The following SCARA5 variants were observed in gnomAD, a reference collection of about 807,000 sequenced individuals.
SCARA5 encodes scavenger receptor class A, member 5 (putative).
Under a neutral mutation model 46.3 loss-of-function variants are expected in SCARA5, and 45 were observed. The observed-to-expected ratio is 0.97, with a 90% CI of 0.76 to 1.24. SCARA5 has a LOEUF of 1.24. SCARA5 is among the 50% of genes most tolerant of loss of function. SCARA5 has a pLI of 0.00. For missense variants in SCARA5, 680 were observed against 689.0 expected (o/e 0.99, Z 0.15); for synonymous variants, 333 against 306.5 (o/e 1.09, Z -0.90).
intron 3 of SCARA5, among the ~76,000 whole-genome samples, chr8:27,950,350 C>A (rs1808104842): frequency 6.6e-6 from 1 of 152,166 alleles, no homozygotes; most frequent in Non-Finnish European, 1.5e-5. Flanking sequence ...GACCCCCACC[C>A]CACACACACC....
rs775794331 is a variant in SCARA5 at position 27,921,805 on chromosome 8, G to A, written c.682C>T (p.Arg228Cys). The A allele has an allele frequency of 3.1e-5, 49 of 1,557,356 alleles. No individual in the cohort carries two copies. The highest frequency in any genetic ancestry group is 4.1e-5 in the Non-Finnish European group (47 of 1,156,734). ...EELADVGGVLRGLNHSLSYDV... is the reference protein window; with the variant it reads ...EELADVGGVLCGLNHSLSYDV... ...TAGGACAGGCTGTGGTTGAGGCCGC[G>A]CAGCACGCCGCCCACGTCGGCCAGC... Residue 228 changes from arginine to cysteine, a missense_variant, in exon 4 of 9, where the codon CGC (arginine) becomes TGC (cysteine). Arg to Cys is a radical substitution (Grantham distance 180). Coordinates refer to ENST00000354914, the MANE Select transcript of SCARA5 (RefSeq NM_173833.6).
intron 2 of SCARA5, among the ~76,000 whole-genome samples, chr8:27,982,472 G>A (rs1166210472): frequency 6.6e-6 from 1 of 152,280 alleles, no homozygotes; most frequent in Non-Finnish European, 1.5e-5. Flanking sequence ...ATCAGAGGCC[G>A]CTAGAGGCAG....
At chr8:27,944,586 G>A (rs543578550) in intron 3 of SCARA5, among the ~76,000 whole-genome samples, 2 of 152,168 alleles carry the variant, frequency 1.3e-5, no homozygotes, top group East Asian at 1.9e-4. Flanking sequence ...TTAAGACCAG[G>A]CATGGTGGCT....
At chr8:27,941,196 A>T (rs187276336) in intron 3 of SCARA5, among the ~76,000 whole-genome samples, 1 of 152,342 alleles carries the variant, frequency 6.6e-6, no homozygotes, top group East Asian at 1.9e-4. Context: ...AGATTTTATA[A>T]TTCAGAATAG....
intron 7 of SCARA5, among the ~76,000 whole-genome samples, chr8:27,901,608 A>G (rs752637310): frequency 6.6e-6 from 1 of 152,102 alleles, no homozygotes; most frequent in African/African-American, 2.4e-5. Context: ...CCCTGGAAAC[A>G]TAAGCAGGAG....
intron 7 of SCARA5, among the ~76,000 whole-genome samples, chr8:27,893,690 C>G (rs762018109): frequency 1.1e-4 from 16 of 152,216 alleles, no homozygotes; most frequent in Non-Finnish European, 1.9e-4. Flanking sequence ...GATTTTAAAG[C>G]CAGGATCTGG....
At chr8:27,978,373 C>G (rs1808560587) in intron 2 of SCARA5, among the ~76,000 whole-genome samples, 1 of 152,052 alleles carries the variant, frequency 6.6e-6, no homozygotes, top group Non-Finnish European at 1.5e-5. Context: ...CTGCTAAGAA[C>G]TTTAAAATTT....
At chr8:27,984,909 AT>A (rs1425132043) in intron 2 of SCARA5, among the ~76,000 whole-genome samples, 15 of 152,040 alleles carry the variant, frequency 9.9e-5, no homozygotes, top group African/African-American at 3.6e-4. Flanking sequence ...CCATCCATTT[AT>A]TCATTCATCC....
intron 3 of SCARA5, among the ~76,000 whole-genome samples, chr8:27,945,009 C>G (rs1437406961): frequency 6.6e-6 from 1 of 151,670 alleles, no homozygotes; most frequent in Non-Finnish European, 1.5e-5. Flanking sequence ...ACTAAAAATA[C>G]AAAAAATTAG....
At chr8:27,973,484 TA>T in intron 2 of SCARA5, among the ~76,000 whole-genome samples, 1 of 152,048 alleles carries the variant, frequency 6.6e-6, no homozygotes, top group African/African-American at 2.4e-5. Flanking sequence ...CTCAAATAAA[TA>T]AATTAATTAA....
intron 3 of SCARA5, among the ~76,000 whole-genome samples, chr8:27,932,194 T>C (rs951595424): frequency 2.0e-5 from 3 of 151,986 alleles, no homozygotes; most frequent in Non-Finnish European, 4.4e-5. Context: ...TGCTCAGGCT[T>C]GTCTTGAACT....
intron 2 of SCARA5, among the ~76,000 whole-genome samples, chr8:27,984,568 CCATT>C (rs1808673406): frequency 6.6e-6 from 1 of 151,772 alleles, no homozygotes; most frequent in East Asian, 2.0e-4. Flanking sequence ...ATTCACCCAT[CCATT>C]CATTCACCCA....
In SCARA5 at chr8:27,931,943, C is replaced by T. The variant is rs150518088; in HGVS notation, c.242-9698G>A. ...TGCTGGGATTACAGGTGTGAGCCAC[C>T]GCACCCGGCCAAAGAACCGTGCATT... On this transcript the variant is annotated intron_variant, in intron 3 of 8. Coordinates refer to ENST00000354914, the MANE Select transcript of SCARA5 (RefSeq NM_173833.6). 1.9e-4 allele frequency among the ~76,000 whole-genome samples: 29 copies of T among 151,592 alleles called. No individual in the cohort carries two copies. In the East Asian group the frequency reaches 3.7e-3, roughly 19 times the overall value.
chr8:27,979,087 A>G (rs1808572613), intron 2 of SCARA5, among the ~76,000 whole-genome samples: 1 of 152,140 alleles, frequency 6.6e-6, no homozygotes, highest in Admixed American at 6.5e-5. Context: ...CCACGCCCCT[A>G]TGCCAATGGG....
chr8:27,927,634 A>T lies in SCARA5; in HGVS notation c.242-5389T>A, dbSNP rs1400941492. Among the ~76,000 whole-genome samples the T allele has an allele frequency of 6.6e-5, 10 of 152,122 alleles. No individual in the cohort carries two copies. In the East Asian group the frequency reaches 1.7e-3, roughly 26 times the overall value. Reference sequence around the variant, plus strand: ...TAATTTACCCATTCTCTTACTGTTGAATCCTTTTTTTCAATCATGGTAAAT... The same window carrying T: ...TAATTTACCCATTCTCTTACTGTTGTATCCTTTTTTTCAATCATGGTAAAT... On this transcript the variant is annotated intron_variant, in intron 3 of 8. Coordinates refer to ENST00000354914, the MANE Select transcript of SCARA5 (RefSeq NM_173833.6).
intron 3 of SCARA5, among the ~76,000 whole-genome samples, chr8:27,940,754 C>A (rs1402866074): frequency 3.0e-5 from 2 of 65,972 alleles, no homozygotes; most frequent in Non-Finnish European, 6.1e-5. Flanking sequence ...ACCCACCCAA[C>A]CATCTGTCCA....
At chr8:27,881,736 C>T (rs561794916) in intron 7 of SCARA5, among the ~76,000 whole-genome samples, 6 of 152,220 alleles carry the variant, frequency 3.9e-5, no homozygotes, top group African/African-American at 7.2e-5. Flanking sequence ...GTTTTAGGTT[C>T]GCAGAAAAAT....
chr8:27,925,535 A>G lies in SCARA5; in HGVS notation c.242-3290T>C, dbSNP rs1807667083. ...TGTTACCTAAAACCATAAAAACCCT[A>G]GAAGAAAACCTAGGCAATACCATTC... On this transcript the variant is annotated intron_variant, in intron 3 of 8. Transcript: ENST00000354914. Among the ~76,000 whole-genome samples, 4 of 152,348 alleles carry G rather than the reference A, an allele frequency of 2.6e-5. No individual in the cohort carries two copies. The South Asian group carries it at 8.3e-4, about 32-fold the overall frequency.
chr8:27,957,741 AT>A (rs1808228076), intron 3 of SCARA5, among the ~76,000 whole-genome samples: 1 of 152,202 alleles, frequency 6.6e-6, no homozygotes, highest in South Asian at 2.1e-4. Flanking sequence ...AAACTGAGCT[AT>A]TTTCTGGATT....
Sources: gnomAD v4.1 joint callset for allele counts (sites outside exome capture counted in the v4.1 genomes callset) on GRCh38, gnomAD v4.1.1 for gene constraint, MANE v1.5 for transcripts, NCBI Gene and HGNC (gene_info 2026-07-23, HGNC 2026-07-21) for gene names.